Variants in AGBL3 observed in about 807,000 individuals in gnomAD.
The protein encoded by AGBL3 is cytosolic carboxypeptidase 3.
AGBL3 carries 68 observed loss-of-function variants against 94.5 expected under a neutral mutation model. The ratio of observed to expected loss-of-function variants is 0.72; its 90% CI spans 0.59 to 0.88. The LOEUF is 0.88. Ranked by LOEUF, AGBL3 falls within the 40% of genes least tolerant of loss-of-function variation. The probability of loss-of-function intolerance (pLI) is 0.00; values close to 1 mark genes in which losing one functional copy is unlikely to be tolerated. For synonymous variants in AGBL3, 354 were observed against 370.7 expected, an observed-to-expected ratio of 0.95 and a Z score of 0.52; for missense variants, 934 against 1,103.8, an observed-to-expected ratio of 0.85 and a Z score of 2.18.
At chr7:135,096,584 C>CATAGATAGATAGATACATAGATAG (rs1822815170) in intron 15 of AGBL3, among the ~76,000 whole-genome samples, 1 of 88,816 alleles carries the variant, frequency 1.1e-5, no homozygotes, top group Non-Finnish European at 2.4e-5. Flanking sequence ...TAGATAGATA[C>CATAGATAGATAGATACATAGATAG]ATAGATAGAT....
rs147327443 is a variant in AGBL3 at position 135,132,785 on chromosome 7, G to A, written c.2343-2056G>A. ...TCCTCCTTTGCCTTCCGCCAAGATTGCGAGGCCTCCCCAGCCATGTGGAAC... is the reference window on the plus strand; with the variant it reads ...TCCTCCTTTGCCTTCCGCCAAGATTACGAGGCCTCCCCAGCCATGTGGAAC... On this transcript the variant is annotated intron_variant, in intron 16 of 16. Coordinates refer to ENST00000436302, the MANE Select transcript of AGBL3 (RefSeq NM_178563.4). Among the ~76,000 whole-genome samples the A allele has an allele frequency of 4.0e-3, 604 of 152,180 alleles. 3 individuals carry two copies. Among genetic ancestry groups the A allele is most frequent in the African/African-American group, 0.013 (550 of 41,514 alleles).
intron 15 of AGBL3, among the ~76,000 whole-genome samples, chr7:135,096,436 A>C: frequency 6.6e-6 from 1 of 151,908 alleles, no homozygotes. Flanking sequence ...AGAAAGAGAT[A>C]TATATGGCTA....
chr7:135,108,678 A>C (rs1825145166), intron 15 of AGBL3, among the ~76,000 whole-genome samples: 1 of 152,112 alleles, frequency 6.6e-6, no homozygotes, highest in Non-Finnish European at 1.5e-5. Context: ...TGTCTTGGGA[A>C]TGATCTTCTT....
intron 4 of AGBL3, among the ~76,000 whole-genome samples, chr7:135,007,404 T>C (rs1375857008): frequency 2.6e-5 from 4 of 151,952 alleles, no homozygotes; most frequent in African/African-American, 9.7e-5. Context: ...ATTAATGTGA[T>C]AGAACATATC....
At chr7:135,042,362 A>C (rs1816936981) in intron 8 of AGBL3, among the ~76,000 whole-genome samples, 1 of 152,222 alleles carries the variant, frequency 6.6e-6, no homozygotes, top group Admixed American at 6.5e-5. Context: ...ATATTCACAC[A>C]TGCAACAACT....
chr7:135,094,025 TG>T, intron 15 of AGBL3: 1 of 187,464 alleles, frequency 5.3e-6, no homozygotes, highest in Non-Finnish European at 1.1e-5. Context: ...CAAATGGTAC[TG>T]GGACAACTGG....
intron 12 of AGBL3, among the ~76,000 whole-genome samples, chr7:135,067,611 T>C (rs575339938): frequency 1.3e-5 from 2 of 152,338 alleles, no homozygotes; most frequent in South Asian, 2.1e-4. Flanking sequence ...CCTCCGCTGC[T>C]GATACCCAGG....
intron 16 of AGBL3, among the ~76,000 whole-genome samples, chr7:135,130,699 C>A (rs988947113): frequency 6.6e-6 from 1 of 152,098 alleles, no homozygotes; most frequent in African/African-American, 2.4e-5. Flanking sequence ...CATATAGTGA[C>A]AGTATAACCT....
chr7:135,131,059 T>C (rs1828690606), intron 16 of AGBL3, among the ~76,000 whole-genome samples: 1 of 152,162 alleles, frequency 6.6e-6, no homozygotes, highest in South Asian at 2.1e-4. Flanking sequence ...GCAAGGACTA[T>C]GTTTTTGGAT....
intron 15 of AGBL3, among the ~76,000 whole-genome samples, chr7:135,090,675 T>G (rs1223170337): frequency 6.6e-6 from 1 of 152,052 alleles, no homozygotes; most frequent in East Asian, 1.9e-4. Flanking sequence ...GAGTACTGCT[T>G]TAAGTTAGGC....
At chr7:135,023,339 T>C (rs773222113) in intron 5 of AGBL3, among the ~76,000 whole-genome samples, 1 of 151,780 alleles carries the variant, frequency 6.6e-6, no homozygotes, top group Admixed American at 6.6e-5. Context: ...GACACCAAGG[T>C]TGAAGAGAAA....
At chr7:135,111,526 G>A (rs1306135403) in intron 15 of AGBL3, among the ~76,000 whole-genome samples, 1 of 151,996 alleles carries the variant, frequency 6.6e-6, no homozygotes, top group African/African-American at 2.4e-5. Context: ...CCATCATCCA[G>A]TTATCTAAGT....
intron 12 of AGBL3, among the ~76,000 whole-genome samples, chr7:135,060,685 C>T (rs12113624): frequency 0.93 from 141,318 of 152,186 alleles, 66,442 homozygotes; most frequent in Non-Finnish European, 1. Flanking sequence ...TCACTTAACG[C>T]AATGTCCTCC....
chr7:135,113,325 G>T (rs973553940), intron 15 of AGBL3, among the ~76,000 whole-genome samples: 5 of 152,078 alleles, frequency 3.3e-5, no homozygotes, highest in Non-Finnish European at 5.9e-5. Flanking sequence ...TGAGTCCACT[G>T]ATACCCATCA....
intron 16 of AGBL3, among the ~76,000 whole-genome samples, chr7:135,118,365 C>A (rs759227133): frequency 5.9e-5 from 9 of 152,152 alleles, no homozygotes; most frequent in Non-Finnish European, 7.3e-5. Context: ...GTCACCTAGA[C>A]CCCACCCCAA....
intron 15 of AGBL3, among the ~76,000 whole-genome samples, chr7:135,104,788 T>TTC (rs1309858984): frequency 6.6e-6 from 1 of 151,880 alleles, no homozygotes; most frequent in Non-Finnish European, 1.5e-5. Flanking sequence ...TTTTTTTTTT[T>TTC]CTTGTACATT....
At chr7:135,060,720 GAAA>G (rs1303484979) in intron 12 of AGBL3, among the ~76,000 whole-genome samples, 1 of 152,060 alleles carries the variant, frequency 6.6e-6, no homozygotes, top group African/African-American at 2.4e-5. Flanking sequence ...TACTCCAAGT[GAAA>G]AGATTTCCTT....
At chr7:135,128,307 A>C (rs1168636220) in intron 16 of AGBL3, 4 of 246,604 alleles carry the variant, frequency 1.6e-5, no homozygotes, top group South Asian at 1.3e-4. Context: ...AAAAAAAAAA[A>C]AAAAAAAAAA....
intron 4 of AGBL3, among the ~76,000 whole-genome samples, chr7:135,016,030 C>CAAAAAA (rs5887720): frequency 1.4e-5 from 2 of 141,274 alleles, no homozygotes; most frequent in Admixed American, 6.9e-5. Flanking sequence ...CACTCCATCT[C>CAAAAAA]AAAAAAAAAA....
Sources: gnomAD v4.1 joint callset for allele counts (sites outside exome capture counted in the v4.1 genomes callset) on GRCh38, gnomAD v4.1.1 for gene constraint, MANE v1.5 for transcripts, NCBI Gene and HGNC (gene_info 2026-07-23, HGNC 2026-07-21) for gene names.